MAGI2: variants seen among roughly 807,000 people sequenced by gnomAD.
MAGI2 encodes membrane associated guanylate kinase, WW and PDZ domain containing 2.
A neutral mutation model predicts 133.3 loss-of-function variants in MAGI2; 35 were observed. The observed-to-expected ratio is 0.26, with a 90% CI of 0.20 to 0.35. The LOEUF is 0.35. MAGI2 is among the 10% of genes least tolerant of loss of function. The pLI, the probability that MAGI2 is intolerant of heterozygous loss-of-function variation, is 1.00. For missense variants in MAGI2, 1,636 were observed against 1,863.4 expected, an observed-to-expected ratio of 0.88 and a Z score of 2.25; for synonymous variants, 729 against 710.6, an observed-to-expected ratio of 1.03 and a Z score of -0.41.
chr7:78,814,914 G>T (rs1303363874), intron 2 of MAGI2, among the ~76,000 whole-genome samples: 1 of 152,094 alleles, frequency 6.6e-6, no homozygotes, highest in Non-Finnish European at 1.5e-5. Context: ...TTTTAGTAGA[G>T]ATGGAGTCTC....
At chr7:78,497,503 A>G (rs1794197183) in intron 5 of MAGI2, among the ~76,000 whole-genome samples, 1 of 152,118 alleles carries the variant, frequency 6.6e-6, no homozygotes, top group African/African-American at 2.4e-5. Flanking sequence ...CTAAAACTTC[A>G]CCTCTTAAAT....
intron 2 of MAGI2, among the ~76,000 whole-genome samples, chr7:78,660,337 C>A (rs1812810735): frequency 6.6e-6 from 1 of 152,024 alleles, no homozygotes. Flanking sequence ...CTTTAATATG[C>A]CAATGTTAAC....
At chr7:78,370,606 C>T (rs977556560) in intron 6 of MAGI2, among the ~76,000 whole-genome samples, 6 of 114,798 alleles carry the variant, frequency 5.2e-5, no homozygotes, top group African/African-American at 1.7e-4. Context: ...TTCTACCTTC[C>T]CAACTCATAA....
intron 1 of MAGI2, among the ~76,000 whole-genome samples, chr7:79,056,264 C>T (rs982452400): frequency 6.6e-6 from 1 of 152,030 alleles, no homozygotes. Flanking sequence ...TGCGCATGCC[C>T]GTAGTCCCAG....
chr7:78,991,231 T>C (rs1383715737), intron 2 of MAGI2, among the ~76,000 whole-genome samples: 3 of 151,746 alleles, frequency 2.0e-5, no homozygotes, highest in Non-Finnish European at 4.4e-5. Flanking sequence ...CATATGGAAC[T>C]GTGAGTCAAC....
chr7:78,248,771 T>C (rs1314898535), intron 10 of MAGI2, among the ~76,000 whole-genome samples: 1 of 152,094 alleles, frequency 6.6e-6, no homozygotes, highest in Non-Finnish European at 1.5e-5. Flanking sequence ...AAAGGTACTA[T>C]AGTAAAACAT....
intron 2 of MAGI2, among the ~76,000 whole-genome samples, chr7:78,922,409 T>C (rs1384732618): frequency 1.3e-5 from 2 of 151,808 alleles, no homozygotes; most frequent in East Asian, 2.0e-4. Flanking sequence ...GTTCTCATTG[T>C]TCAATTCCCA....
At chr7:78,294,586 C>T (rs1032557635) in intron 9 of MAGI2, among the ~76,000 whole-genome samples, 5 of 152,264 alleles carry the variant, frequency 3.3e-5, no homozygotes, top group Admixed American at 6.5e-5. Flanking sequence ...TCTTAGGACA[C>T]GTGTGGAAAC....
chr7:78,807,260 C>T (rs1369935020), intron 2 of MAGI2, among the ~76,000 whole-genome samples: 2 of 151,966 alleles, frequency 1.3e-5, no homozygotes, highest in African/African-American at 4.8e-5. Context: ...TAGTATTAGA[C>T]ATTAAAACTA....
At chr7:78,953,185 T>A (rs565029245) in intron 2 of MAGI2, among the ~76,000 whole-genome samples, 39 of 152,300 alleles carry the variant, frequency 2.6e-4, no homozygotes, top group Non-Finnish European at 5.4e-4. Flanking sequence ...AACATCACCA[T>A]CTTCCCCAAA....
At chr7:78,887,607 ACTGTGTGGGT>A (rs1276980158) in intron 2 of MAGI2, among the ~76,000 whole-genome samples, 1 of 152,248 alleles carries the variant, frequency 6.6e-6, no homozygotes, top group Non-Finnish European at 1.5e-5. Flanking sequence ...ACCAACTGAT[ACTGTGTGGGT>A]CTTTGTTCAG....
chr7:78,667,839 C>A (rs557592820), intron 2 of MAGI2, among the ~76,000 whole-genome samples: 3 of 152,040 alleles, frequency 2.0e-5, no homozygotes, highest in African/African-American at 7.2e-5. Flanking sequence ...TGAATAGTAC[C>A]GCAATAAACA....
chr7:78,799,394 T>C (rs1288022320), intron 2 of MAGI2, among the ~76,000 whole-genome samples: 2 of 152,176 alleles, frequency 1.3e-5, no homozygotes, highest in Non-Finnish European at 2.9e-5. Flanking sequence ...AACATGAATG[T>C]CAAAATGATT....
intron 1 of MAGI2, among the ~76,000 whole-genome samples, chr7:79,401,811 A>G (rs1845490100): frequency 6.6e-6 from 1 of 152,252 alleles, no homozygotes; most frequent in South Asian, 2.1e-4. Flanking sequence ...TCCACACGTG[A>G]TGAACAGAAA....
chr7:78,127,096 C>T (rs2150514477), intron 19 of MAGI2, 101 bp downstream of exon 19: 1 of 910,554 alleles, frequency 1.1e-6, no homozygotes, highest in Non-Finnish European at 1.7e-6. Context: ...TTCAGCTCTC[C>T]ATCCCAGACA....
chr7:79,263,261 G>A (rs56052201), intron 1 of MAGI2, among the ~76,000 whole-genome samples: 237 of 152,178 alleles, frequency 1.6e-3, no homozygotes, highest in Non-Finnish European at 2.8e-3. Context: ...AATGCTTCAC[G>A]TTTATTTTAT....
chr7:79,101,950 T>G (rs2129543282), intron 1 of MAGI2, among the ~76,000 whole-genome samples: 1 of 152,006 alleles, frequency 6.6e-6, no homozygotes, highest in South Asian at 2.1e-4. Flanking sequence ...ATATATGATA[T>G]ATATTTCTTA....
chr7:79,047,287 G>A (rs1452129887), intron 1 of MAGI2, among the ~76,000 whole-genome samples: 1 of 152,052 alleles, frequency 6.6e-6, no homozygotes, highest in African/African-American at 2.4e-5. Flanking sequence ...AATAATGTAA[G>A]TTAAGGCACA....
chr7:78,039,260 T>C (rs1810553715), intron 21 of MAGI2, among the ~76,000 whole-genome samples: 1 of 152,226 alleles, frequency 6.6e-6, no homozygotes, highest in African/African-American at 2.4e-5. Context: ...CTCTAAATTG[T>C]AGATGTGATC....
Sources: allele counts gnomAD v4.1 joint callset (sites outside exome capture counted in the v4.1 genomes callset), GRCh38; gene constraint gnomAD v4.1.1; transcripts MANE v1.5; gene names NCBI Gene and HGNC (gene_info 2026-07-23, HGNC 2026-07-21).